Variants in PGAP1 observed in about 807,000 individuals in gnomAD.
The protein encoded by PGAP1 is post-GPI attachment to proteins inositol deacylase 1.
Under a neutral mutation model 127.0 loss-of-function variants are expected in PGAP1, and 76 were observed. The observed-to-expected ratio is 0.60, with a 90% CI of 0.50 to 0.72. PGAP1 has a LOEUF of 0.72. Ranked by LOEUF, PGAP1 falls within the 30% of genes least tolerant of loss-of-function variation. The pLI is 0.00. For missense variants in PGAP1, 982 were observed against 1,071.3 expected (o/e 0.92, Z 1.16); for synonymous variants, 362 against 366.5 (o/e 0.99, Z 0.14).
chr2:196,845,237 T>A, intron 23 of PGAP1, among the ~76,000 whole-genome samples: 1 of 151,874 alleles, frequency 6.6e-6, no homozygotes, highest in African/African-American at 2.4e-5. Flanking sequence ...ATGATATGCA[T>A]GTATTTACAC....
chr2:196,873,374 T>C (rs891878582), intron 16 of PGAP1, among the ~76,000 whole-genome samples, 154 bp downstream of exon 16: 4 of 151,986 alleles, frequency 2.6e-5, no homozygotes, highest in Non-Finnish European at 5.9e-5. Context: ...CTATGTTAAA[T>C]CCCCTGGAAA....
chr2:196,858,983 C>G (rs1372600089), intron 20 of PGAP1, among the ~76,000 whole-genome samples: 1 of 152,072 alleles, frequency 6.6e-6, no homozygotes, highest in African/African-American at 2.4e-5. Flanking sequence ...CACATCCAGC[C>G]TACCAAGGTT....
intron 19 of PGAP1, among the ~76,000 whole-genome samples, chr2:196,868,518 T>C (rs7594774): frequency 0.27 from 40,997 of 152,072 alleles, 6,702 homozygotes; most frequent in African/African-American, 0.47. Context: ...GACTTACATG[T>C]CAACATTGAA....
intron 7 of PGAP1, 79 bp from the exon 8 acceptor site, chr2:196,893,324 G>T: frequency 1.4e-6 from 1 of 738,120 alleles, no homozygotes; most frequent in Non-Finnish European, 2.3e-6. Context: ...CAGTAATGAT[G>T]ACAACAGCCA....
At chr2:196,923,346 C>G (rs1293124867) in intron 1 of PGAP1, among the ~76,000 whole-genome samples, 1 of 152,200 alleles carries the variant, frequency 6.6e-6, no homozygotes, top group African/African-American at 2.4e-5. Context: ...TCCCAGTTCA[C>G]TTTGCATCTT....
chr2:196,918,599 T>C (rs1046870219), intron 2 of PGAP1, among the ~76,000 whole-genome samples: 5 of 152,134 alleles, frequency 3.3e-5, no homozygotes, highest in Admixed American at 6.6e-5. Flanking sequence ...AATGACTATA[T>C]TCATATTACA....
At chr2:196,881,101 A>G (rs1030615186) in intron 12 of PGAP1, among the ~76,000 whole-genome samples, 26 of 152,156 alleles carry the variant, frequency 1.7e-4, no homozygotes, top group African/African-American at 5.8e-4. Flanking sequence ...GCTCCCACTT[A>G]TAAGTGAGAA....
chr2:196,897,220 CA>C, intron 6 of PGAP1, 23 bp from the exon 7 acceptor site: 1 of 1,436,544 alleles, frequency 7.0e-7, no homozygotes, highest in Non-Finnish European at 9.5e-7. Context: ...GTAAGTGTTA[CA>C]AATAAAACTT....
intron 12 of PGAP1, among the ~76,000 whole-genome samples, chr2:196,885,192 G>A (rs1456701933): frequency 2.0e-5 from 3 of 152,048 alleles, no homozygotes; most frequent in African/African-American, 7.2e-5. Context: ...AGATTTAGAG[G>A]ACTGTTAACT....
chr2:196,889,858 CAA>C (rs979436427), intron 10 of PGAP1, among the ~76,000 whole-genome samples: 8 of 43,970 alleles, frequency 1.8e-4, no homozygotes, highest in African/African-American at 4.0e-4. Flanking sequence ...GACTCCGTCT[CAA>C]AAAAAAAAAA....
chr2:196,895,167 A>T (rs1197385175), intron 7 of PGAP1, among the ~76,000 whole-genome samples: 1 of 152,180 alleles, frequency 6.6e-6, no homozygotes, highest in Non-Finnish European at 1.5e-5. Context: ...TGGTTATCAA[A>T]AATTTCTCAT....
intron 20 of PGAP1, among the ~76,000 whole-genome samples, chr2:196,851,295 A>G (rs918120999): frequency 3.9e-5 from 6 of 152,166 alleles, no homozygotes; most frequent in African/African-American, 1.4e-4. Context: ...CTCTGCACAA[A>G]GGCCACTGCA....
At chr2:196,888,542 T>A (rs111980982) in intron 10 of PGAP1, among the ~76,000 whole-genome samples, 284 of 151,946 alleles carry the variant, frequency 1.9e-3, no homozygotes, top group African/African-American at 6.7e-3. Context: ...TAAAAGACAC[T>A]ATGGGAATAC....
rs754091859 is a variant in PGAP1 at position 196,875,830 on chromosome 2, T to C, written c.1351-9A>G. The C allele has an allele frequency of 8.4e-6, 11 of 1,317,014 alleles. No homozygotes were observed. The highest frequency in any genetic ancestry group is 1.2e-5 in the Non-Finnish European group (11 of 923,066). 81.6% of individuals were successfully genotyped at this position (1,317,014 alleles called of 1,614,324 possible). Reference sequence around the variant, plus strand: ...TCACAATCTACAACAAACTGAAATATAAAACATTGATTTATTAGAAAAAGT... The same window carrying C: ...TCACAATCTACAACAAACTGAAATACAAAACATTGATTTATTAGAAAAAGT... On this transcript the variant is annotated splice_polypyrimidine_tract_variant and intron_variant, in intron 13 of 26. Transcript: ENST00000354764.
At chr2:196,912,463 C>T (rs1038777061) in intron 4 of PGAP1, among the ~76,000 whole-genome samples, 6 of 151,498 alleles carry the variant, frequency 4.0e-5, no homozygotes, top group Non-Finnish European at 5.9e-5. Flanking sequence ...GGCAAAAATC[C>T]CAGATACTTG....
chr2:196,899,567 C>A lies in PGAP1; in HGVS notation c.808-1198G>T, dbSNP rs1702406882. Among the ~76,000 whole-genome samples the A allele has an allele frequency of 2.0e-5, 3 of 152,316 alleles. No homozygotes were observed. In the South Asian group the frequency reaches 6.2e-4, roughly 32 times the overall value. On this transcript the variant is annotated intron_variant, in intron 5 of 26. Transcript: ENST00000354764. ...TTACCAAGAATATAATGCTGGTTTACTTTCATTCAGTTTAATTAATGCATG... is the reference window on the plus strand; with the variant it reads ...TTACCAAGAATATAATGCTGGTTTAATTTCATTCAGTTTAATTAATGCATG...
intron 1 of PGAP1, chr2:196,922,595 C>G (rs1343194346): frequency 3.4e-5 from 28 of 830,680 alleles, no homozygotes; most frequent in African/African-American, 2.1e-4. Flanking sequence ...CACACACACA[C>G]ACACACACAC....
chr2:196,897,408 C>A (rs1444696330), intron 6 of PGAP1, among the ~76,000 whole-genome samples: 1 of 152,036 alleles, frequency 6.6e-6, no homozygotes, highest in Non-Finnish European at 1.5e-5. Flanking sequence ...GGATGTTTGC[C>A]AGAATTTTCA....
intron 10 of PGAP1, among the ~76,000 whole-genome samples, chr2:196,889,775 C>A (rs186384160): frequency 6.8e-6 from 1 of 146,572 alleles, no homozygotes; most frequent in Non-Finnish European, 1.5e-5. Flanking sequence ...AGGAGAATGG[C>A]GTGAACCCGG....
Sources: allele counts gnomAD v4.1 joint callset (sites outside exome capture counted in the v4.1 genomes callset), GRCh38; gene constraint gnomAD v4.1.1; transcripts MANE v1.5; gene names NCBI Gene and HGNC (gene_info 2026-07-23, HGNC 2026-07-21).